PARD3B: variants seen among roughly 807,000 people sequenced by gnomAD.
The protein encoded by PARD3B is partitioning defective 3 homolog B.
PARD3B carries 103 observed loss-of-function variants against 130.2 expected under a neutral mutation model. The ratio of observed to expected loss-of-function variants is 0.79; its 90% CI spans 0.67 to 0.93. The LOEUF (loss-of-function observed/expected upper bound fraction) is 0.93, where lower values mean the gene tolerates loss of function less well. Ranked by LOEUF, PARD3B falls within the 40% of genes least tolerant of loss-of-function variation. The probability of loss-of-function intolerance (pLI) is 0.00; values close to 1 mark genes in which losing one functional copy is unlikely to be tolerated. For missense variants in PARD3B, 1,609 were observed against 1,499.2 expected (o/e 1.07, Z -1.21); for synonymous variants, 583 against 553.2 (o/e 1.05, Z -0.76).
chr2:205,398,124 C>A (rs1411870837), intron 18 of PARD3B, among the ~76,000 whole-genome samples: 1 of 152,042 alleles, frequency 6.6e-6, no homozygotes, highest in Non-Finnish European at 1.5e-5. Flanking sequence ...CATGGTGAAA[C>A]CCTGTCTCTA....
At chr2:205,152,350 G>A (rs1351923932) in intron 10 of PARD3B, among the ~76,000 whole-genome samples, 1 of 152,212 alleles carries the variant, frequency 6.6e-6, no homozygotes, top group Non-Finnish European at 1.5e-5. Context: ...ATCCTGAAGA[G>A]TGTTTTCCAA....
intron 4 of PARD3B, among the ~76,000 whole-genome samples, chr2:205,050,085 A>C (rs1044470778): frequency 6.6e-6 from 1 of 151,934 alleles, no homozygotes; most frequent in Non-Finnish European, 1.5e-5. Context: ...TGCTCAGTGT[A>C]TATGTTTTGG....
rs766496471 is a variant in PARD3B at position 205,301,399 on chromosome 2, G to A, written c.2393-65G>A. 1.2e-5 allele frequency: 18 copies of A among 1,548,650 alleles called. No homozygotes were observed. Among genetic ancestry groups the A allele is most frequent in the South Asian group, 2.5e-5 (2 of 78,720 alleles). On this transcript the variant is annotated intron_variant, in intron 17 of 22. Transcript: ENST00000406610. This position sits in a 1 kb window ranked among gnomAD's most constrained non-coding sequence, Gnocchi z 5.2. ...ATTCTTTTGCATTTTACATGTTAGC[G>A]TTTCTCTGTATACTAACTGAGTGTG...
In PARD3B at chr2:205,229,924, C is replaced by T. The variant is rs2038748330; in HGVS notation, c.2141-15854C>T. On this transcript the variant is annotated intron_variant, in intron 15 of 22. Transcript: ENST00000406610. This position sits in a 1 kb window ranked among gnomAD's most constrained non-coding sequence, Gnocchi z 5.2. ...CAGAGGACTCTCTCCCCACAGCCAC[C>T]ACCACCACGTCCATGGCAAGTACTG... Among the ~76,000 whole-genome samples the T allele has an allele frequency of 6.6e-6, 1 of 152,002 alleles. No individual in the cohort carries two copies. The highest frequency in any genetic ancestry group is 2.4e-5 in the African/African-American group (1 of 41,498).
At chr2:205,284,570 G>C (rs2041315436) in intron 16 of PARD3B, among the ~76,000 whole-genome samples, 2 of 152,244 alleles carry the variant, frequency 1.3e-5, no homozygotes, top group South Asian at 2.1e-4. Context: ...CCCTTGGAAG[G>C]CTCTGACCCA....
chr2:205,479,131 C>G (rs569262431), intron 20 of PARD3B, among the ~76,000 whole-genome samples: 19 of 152,308 alleles, frequency 1.2e-4, no homozygotes, highest in African/African-American at 4.3e-4. Context: ...TGGTGTTCAG[C>G]TTATGTCCCT....
chr2:204,736,841 A>T (rs1376294445), intron 2 of PARD3B, among the ~76,000 whole-genome samples: 2 of 152,194 alleles, frequency 1.3e-5, no homozygotes, highest in Non-Finnish European at 2.9e-5. Flanking sequence ...TTATCTCTTT[A>T]AGGATTCTCC....
At chr2:204,618,414 G>T (rs1426747984) in intron 1 of PARD3B, among the ~76,000 whole-genome samples, 1 of 152,098 alleles carries the variant, frequency 6.6e-6, no homozygotes, top group African/African-American at 2.4e-5. Flanking sequence ...ATTTTATTGG[G>T]TTATAGTGAT....
chr2:204,802,599 C>T (rs1349537493), intron 2 of PARD3B, among the ~76,000 whole-genome samples: 1 of 152,134 alleles, frequency 6.6e-6, no homozygotes, highest in Non-Finnish European at 1.5e-5. Context: ...CCCAAATGCC[C>T]ATCAATGATA....
chr2:204,620,874 C>T (rs576068614), intron 1 of PARD3B, among the ~76,000 whole-genome samples: 8 of 151,956 alleles, frequency 5.3e-5, no homozygotes, highest in Admixed American at 1.3e-4. Context: ...GAAGAAGTTG[C>T]GTCCGTTATT....
rs1272747115 is a variant in PARD3B, at chr2:204,943,900, A to G, written c.223-21252A>G. Among the ~76,000 whole-genome samples the G allele has an allele frequency of 2.0e-5, 3 of 152,336 alleles. No individual in the cohort carries two copies. Among genetic ancestry groups the G allele is most frequent in the African/African-American group, 4.8e-5 (2 of 41,584 alleles). ...GTTAAAGCCCAAAGAGTAAAATACT[A>G]AAGGGAAATTTAAAATAAATGCTAG... On this transcript the variant is annotated intron_variant, in intron 2 of 22. Coordinates refer to ENST00000406610, the MANE Select transcript of PARD3B (RefSeq NM_001302769.2). The surrounding 1 kb of genome is among the most constrained non-coding windows in gnomAD (Gnocchi z 4.2).
intron 3 of PARD3B, among the ~76,000 whole-genome samples, chr2:205,033,146 A>G (rs114649418): frequency 0.013 from 2,045 of 152,216 alleles, 26 homozygotes; most frequent in East Asian, 0.043. Context: ...ACCAACAACA[A>G]TGCCCTAATG....
intron 2 of PARD3B, among the ~76,000 whole-genome samples, chr2:204,829,299 A>C (rs7591697): frequency 0.07 from 10,684 of 152,248 alleles, 653 homozygotes; most frequent in East Asian, 0.16. Context: ...TTTTGTCTTC[A>C]TGTAAAGTGG....
chr2:204,917,383 G>A (rs2047487078), intron 2 of PARD3B, among the ~76,000 whole-genome samples: 1 of 152,186 alleles, frequency 6.6e-6, no homozygotes, highest in Non-Finnish European at 1.5e-5. Flanking sequence ...CAGAATAGTG[G>A]CTTCTATTTT....
intron 2 of PARD3B, among the ~76,000 whole-genome samples, chr2:204,921,274 T>C (rs1383054199): frequency 6.6e-6 from 1 of 152,184 alleles, no homozygotes; most frequent in Non-Finnish European, 1.5e-5. Flanking sequence ...AGGTGGTTAT[T>C]TTTAATGTTG....
chr2:205,380,103 A>G (rs1187105062), intron 18 of PARD3B, among the ~76,000 whole-genome samples: 1 of 135,854 alleles, frequency 7.4e-6, no homozygotes, highest in Non-Finnish European at 1.5e-5. Context: ...TATGTTAAAA[A>G]TATATATTAT....
chr2:204,850,577 T>C (rs2044666996), intron 2 of PARD3B, among the ~76,000 whole-genome samples: 1 of 152,076 alleles, frequency 6.6e-6, no homozygotes, highest in Non-Finnish European at 1.5e-5. Flanking sequence ...CTGCATTTAG[T>C]GCTCATAGCT....
intron 1 of PARD3B, among the ~76,000 whole-genome samples, chr2:204,635,604 A>G (rs758254674): frequency 4.4e-4 from 67 of 152,250 alleles, no homozygotes; most frequent in Middle Eastern, 3.4e-3. Flanking sequence ...GGAAGCTTCA[A>G]ATTAACTCTC....
chr2:205,314,621 C>T (rs1488505869), intron 18 of PARD3B, among the ~76,000 whole-genome samples: 2 of 152,158 alleles, frequency 1.3e-5, no homozygotes, highest in Admixed American at 6.5e-5. Context: ...ATAAGAGATA[C>T]ATACATTGAA....
Sources: allele counts gnomAD v4.1 joint callset (sites outside exome capture counted in the v4.1 genomes callset), GRCh38; gene constraint gnomAD v4.1.1; non-coding constraint Gnocchi (gnomAD v3.1); transcripts MANE v1.5; gene names NCBI Gene and HGNC (gene_info 2026-07-23, HGNC 2026-07-21).